The following ZDHHC14 variants were observed in gnomAD, a reference collection of about 807,000 sequenced individuals.
ZDHHC14 encodes the protein zDHHC palmitoyltransferase 14.
Under a neutral mutation model 47.7 loss-of-function variants are expected in ZDHHC14, and 16 were observed. That is an observed-to-expected ratio of 0.34 (90% CI 0.23 to 0.51). ZDHHC14 has a LOEUF of 0.51. ZDHHC14 is among the 20% of genes least tolerant of loss of function. The pLI, the probability that ZDHHC14 is intolerant of heterozygous loss-of-function variation, is 0.97. For missense variants in ZDHHC14, 515 were observed against 662.5 expected, an observed-to-expected ratio of 0.78 and a Z score of 2.44; for synonymous variants, 293 against 278.9, an observed-to-expected ratio of 1.05 and a Z score of -0.50.
In ZDHHC14 at chr6:157,520,028, T is replaced by A. The variant is rs1033563667; in HGVS notation, c.246-22557T>A. Among the ~76,000 whole-genome samples the A allele has an allele frequency of 5.3e-5, 8 of 152,260 alleles. No homozygotes were observed. In the East Asian group the frequency reaches 1.2e-3, roughly 22 times the overall value. On this transcript the variant is annotated intron_variant, in intron 1 of 8. Transcript: ENST00000359775. ...GAAGTAGGTGGCCCTTCAACTGAGCTGAAGGGAAGAGAAGGGCATTGCAGG... is the reference window on the plus strand; with the variant it reads ...GAAGTAGGTGGCCCTTCAACTGAGCAGAAGGGAAGAGAAGGGCATTGCAGG...
At chr6:157,669,475 C>T (rs142957095) in intron 8 of ZDHHC14, among the ~76,000 whole-genome samples, 33 of 152,318 alleles carry the variant, frequency 2.2e-4, no homozygotes, top group African/African-American at 7.0e-4. Flanking sequence ...AGGAGCCCGC[C>T]TCTGCCCTCA....
chr6:157,570,136 C>T lies in ZDHHC14; in HGVS notation c.407-22852C>T, dbSNP rs545789080. Among the ~76,000 whole-genome samples, 16 of 152,188 alleles carry T rather than the reference C, an allele frequency of 1.1e-4. No homozygotes were observed. The South Asian group carries it at 1.2e-3, about 12-fold the overall frequency. On this transcript the variant is annotated intron_variant, in intron 2 of 8. Coordinates refer to ENST00000359775, the MANE Select transcript of ZDHHC14 (RefSeq NM_024630.3). ...CTAAAGATAAAATCTTGCACCAGTCCGGTGTAGAATGAGTGATAAACCAGC... is the reference window on the plus strand; with the variant it reads ...CTAAAGATAAAATCTTGCACCAGTCTGGTGTAGAATGAGTGATAAACCAGC...
At chr6:157,611,941 C>T (rs1166828009) in intron 3 of ZDHHC14, among the ~76,000 whole-genome samples, 1 of 152,154 alleles carries the variant, frequency 6.6e-6, no homozygotes, top group African/African-American at 2.4e-5. Flanking sequence ...GTCTCTAGCT[C>T]AGACCTCTCC....
At chr6:157,493,156 C>G (rs1427742426) in intron 1 of ZDHHC14, among the ~76,000 whole-genome samples, 1 of 152,142 alleles carries the variant, frequency 6.6e-6, no homozygotes, top group Non-Finnish European at 1.5e-5. Flanking sequence ...ATTGTAGGTA[C>G]AGAAGTGGCA....
At chr6:157,623,969 A>G (rs1378634790) in intron 3 of ZDHHC14, among the ~76,000 whole-genome samples, 1 of 152,232 alleles carries the variant, frequency 6.6e-6, no homozygotes, top group Non-Finnish European at 1.5e-5. Context: ...GTGTTTGTTT[A>G]AAGAACTTCC....
intron 1 of ZDHHC14, among the ~76,000 whole-genome samples, chr6:157,525,521 A>C (rs567342485): frequency 2.0e-5 from 3 of 151,946 alleles, no homozygotes; most frequent in East Asian, 3.9e-4. Context: ...GGCCAATGAG[A>C]GCTCCAGAGG....
At chr6:157,474,208 C>G (rs1205086070) in intron 1 of ZDHHC14, among the ~76,000 whole-genome samples, 1 of 152,128 alleles carries the variant, frequency 6.6e-6, no homozygotes, top group East Asian at 1.9e-4. Context: ...TCAGGCTGGT[C>G]TCGAATGCCT....
At chr6:157,431,739 T>A (rs1227378275) in intron 1 of ZDHHC14, among the ~76,000 whole-genome samples, 4 of 151,404 alleles carry the variant, frequency 2.6e-5, no homozygotes, top group Non-Finnish European at 5.9e-5. Flanking sequence ...ATAATTTTTT[T>A]TTTTTTTTGA....
intron 1 of ZDHHC14, among the ~76,000 whole-genome samples, chr6:157,512,681 A>G (rs767348393): frequency 1.3e-5 from 2 of 152,160 alleles, no homozygotes; most frequent in Non-Finnish European, 2.9e-5. Context: ...AGTTCTCCAC[A>G]AAAAAGAAAG....
chr6:157,472,386 A>T (rs1481117382), intron 1 of ZDHHC14, among the ~76,000 whole-genome samples: 9 of 152,064 alleles, frequency 5.9e-5, no homozygotes. Context: ...CTCCACAGGG[A>T]GATAAATGTT....
intron 8 of ZDHHC14, among the ~76,000 whole-genome samples, chr6:157,670,660 C>T (rs994825313): frequency 2.3e-4 from 35 of 152,262 alleles, no homozygotes; most frequent in African/African-American, 7.7e-4. Context: ...TCCCCTCCCC[C>T]GCACTTTGGC....
Position 157,461,996 on chromosome 6 carries a change from T to TTTATAGATAGAC in ZDHHC14, c.245+79730_245+79731insTTATAGATAGAC, listed in dbSNP as rs551665216. On this transcript the variant is annotated intron_variant, in intron 1 of 8. Transcript: ENST00000359775. Reference sequence around the variant, plus strand: ...AAAAATTTTTTAAACCCCTGTTGGGTCAGATCCTGGTCTATCATGCGACGG... The same window carrying TTTATAGATAGAC: ...AAAAATTTTTTAAACCCCTGTTGGGTTTATAGATAGACCAGATCCTGGTCTATCATGCGACGG... Among the ~76,000 whole-genome samples, 7 of 152,306 alleles carry TTTATAGATAGAC rather than the reference T, an allele frequency of 4.6e-5. No homozygotes were observed. In the South Asian group the frequency reaches 1.5e-3, roughly 32 times the overall value.
At chr6:157,556,185 G>A (rs1782452583) in intron 2 of ZDHHC14, among the ~76,000 whole-genome samples, 2 of 151,780 alleles carry the variant, frequency 1.3e-5, no homozygotes, top group African/African-American at 4.8e-5. Context: ...TCGTGTTGTG[G>A]TGGGTCATAG....
At chr6:157,391,259 G>T (rs1777413924) in intron 1 of ZDHHC14, among the ~76,000 whole-genome samples, 1 of 152,124 alleles carries the variant, frequency 6.6e-6, no homozygotes, top group Non-Finnish European at 1.5e-5. Context: ...GGGTCACTGG[G>T]GAGTTGTCTT....
At chr6:157,632,259 A>T (rs1254481482) in intron 4 of ZDHHC14, 1 of 153,316 alleles carries the variant, frequency 6.5e-6, no homozygotes, top group African/African-American at 2.4e-5. Context: ...TAAAAGTATG[A>T]TGTCAATGCA....
chr6:157,446,051 CT>C (rs1778661373), intron 1 of ZDHHC14, among the ~76,000 whole-genome samples: 1 of 152,176 alleles, frequency 6.6e-6, no homozygotes. Context: ...TTTGATCATA[CT>C]TTTTTGTTTA....
intron 3 of ZDHHC14, among the ~76,000 whole-genome samples, chr6:157,628,100 GT>G (rs1159164767): frequency 6.6e-6 from 1 of 152,196 alleles, no homozygotes; most frequent in East Asian, 1.9e-4. Context: ...GTTTCTTTAA[GT>G]TGCCATTTGA....
At position 157,674,146 on chromosome 6, in the gene ZDHHC14, A is replaced by T. The variant is rs1778927710; in HGVS notation, c.*1024A>T. On this transcript the variant is annotated 3_prime_UTR_variant, in exon 9 of 9. Transcript: ENST00000359775. ...TATTTTCTTTAATTATCTCTTTTTG[A>T]CACCATCTTAGTGGAATTTGCTCTA... 6.6e-6 allele frequency: 1 copy of T among 152,188 alleles called. No individual in the cohort carries two copies. The highest frequency in any genetic ancestry group is 2.1e-4 in the South Asian group (1 of 4,818). The allele number at this position is 152,188 out of a possible 1,614,324, so 9.4% of individuals were successfully genotyped here.
chr6:157,579,407 C>G (rs898863810), intron 2 of ZDHHC14, among the ~76,000 whole-genome samples: 5 of 152,022 alleles, frequency 3.3e-5, no homozygotes, highest in Non-Finnish European at 7.4e-5. Flanking sequence ...CCATGTTAGC[C>G]AGGATGGTCT....
Sources: allele counts gnomAD v4.1 joint callset (sites outside exome capture counted in the v4.1 genomes callset), GRCh38; gene constraint gnomAD v4.1.1; transcripts MANE v1.5; gene names NCBI Gene and HGNC (gene_info 2026-07-23, HGNC 2026-07-21).